The following AMACR variants were observed in gnomAD, a reference collection of about 807,000 sequenced individuals.
AMACR encodes alpha-methylacyl-CoA racemase.
Under a neutral mutation model 22.2 loss-of-function variants are expected in AMACR, and 18 were observed. The ratio of observed to expected loss-of-function variants is 0.81; its 90% CI spans 0.56 to 1.20. AMACR has a LOEUF of 1.20. Among genes scored for constraint, AMACR ranks in the 50% most tolerant of loss-of-function variants. The pLI is 0.00. For missense variants in AMACR, 499 were observed against 490.6 expected (o/e 1.02, Z -0.16); for synonymous variants, 213 against 191.3 (o/e 1.11, Z -0.94).
At chr5:34,005,698 A>C (rs1753950519) in intron 2 of AMACR, 58 bp downstream of exon 2, 1 of 1,583,426 alleles carries the variant, frequency 6.3e-7, no homozygotes, top group Admixed American at 1.7e-5. Context: ...TAATCAACAT[A>C]CCTGTAGATC....
chr5:33,997,973 ATCACT>A (rs1753694670), intron 4 of AMACR, among the ~76,000 whole-genome samples: 1 of 152,258 alleles, frequency 6.6e-6, no homozygotes, highest in Non-Finnish European at 1.5e-5. Flanking sequence ...CAGCTTTCAC[ATCACT>A]TCAGAGTATA....
At chr5:33,999,132 TG>T (rs1200238429) in intron 3 of AMACR, among the ~76,000 whole-genome samples, 2 of 152,232 alleles carry the variant, frequency 1.3e-5, no homozygotes, top group Non-Finnish European at 2.9e-5. Context: ...TGAGGGTACA[TG>T]GAAGGTCACT....
intron 4 of AMACR, chr5:33,994,129 C>T (rs1440050393): frequency 2.2e-6 from 1 of 449,408 alleles, no homozygotes; most frequent in Non-Finnish European, 4.5e-6. Context: ...ATCTAAAACA[C>T]AAAGGGGAGT....
chr5:34,005,880 C>T lies in AMACR; in HGVS notation c.267G>A (p.Gln89=). Residue 89 remains glutamine, a synonymous_variant, in exon 2 of 5, where the codon CAG becomes CAA. Coordinates refer to ENST00000335606, the MANE Select transcript of AMACR (RefSeq NM_014324.6). ...PFRRGVMEKL[Q]LGPEILQREN... ...CCCGCTGCAGAATCTCTGGGCCCAG[C>T]TGGAGTTTCTCCATGACACCTTAAG... 1 of 1,614,132 alleles carries T rather than the reference C, an allele frequency of 6.2e-7. No homozygotes were observed. Among genetic ancestry groups the T allele is most frequent in the Non-Finnish European group, 8.5e-7 (1 of 1,180,030 alleles).
At chr5:34,006,009 T>G in intron 1 of AMACR, 110 bp from the exon 2 acceptor site, 4 of 1,326,438 alleles carry the variant, frequency 3.0e-6, no homozygotes, top group Non-Finnish European at 3.2e-6. Flanking sequence ...ATTAATAACA[T>G]TTGCTGTAGG....
chr5:33,998,567 A>G, intron 4 of AMACR, 74 bp downstream of exon 4: 9 of 1,483,146 alleles, frequency 6.1e-6, no homozygotes, highest in Non-Finnish European at 8.1e-6. Context: ...CTAGATGCCA[A>G]AAGTCTTTAA....
rs1019742271 is a variant in AMACR at position 33,991,927 on chromosome 5, G to A, written c.740-2425C>T. ...AGAGTCTCACACTATTGCCTGGGCT[G>A]GAGTGCAATGGCACGATCTCGGCTC... On this transcript the variant is annotated intron_variant, in intron 4 of 4. Coordinates refer to ENST00000335606, the MANE Select transcript of AMACR (RefSeq NM_014324.6). Among the ~76,000 whole-genome samples the A allele has an allele frequency of 1.1e-4, 16 of 152,088 alleles. No individual in the cohort carries two copies. The East Asian group carries it at 3.1e-3, about 29-fold the overall frequency.
chr5:34,007,757 C>T lies in AMACR; in HGVS notation c.247+16G>A. 2 of 1,539,172 alleles carry T rather than the reference C, an allele frequency of 1.3e-6. No individual in the cohort carries two copies. Among genetic ancestry groups the T allele is most frequent in the Non-Finnish European group, 8.7e-7 (1 of 1,148,608 alleles). On this transcript the variant is annotated intron_variant, in intron 1 of 4. Coordinates refer to ENST00000335606, the MANE Select transcript of AMACR (RefSeq NM_014324.6). ...GCGGGAACTTCCCGAGAGCAGCCCG[C>T]GGGGCCCGGGCTCACCGCGGCGGAA...
intron 4 of AMACR, chr5:33,994,108 T>A: frequency 2.2e-6 from 1 of 455,040 alleles, no homozygotes. Context: ...GATTAAAGTA[T>A]GGTATCAAAG....
chr5:33,991,788 T>C (rs1753483984), intron 4 of AMACR, among the ~76,000 whole-genome samples: 1 of 151,414 alleles, frequency 6.6e-6, no homozygotes, highest in Non-Finnish European at 1.5e-5. Flanking sequence ...TCACCCAGGC[T>C]GGAGTGCGGT....
At chr5:33,997,163 C>A in intron 4 of AMACR, 1 of 746,978 alleles carries the variant, frequency 1.3e-6, no homozygotes, top group Non-Finnish European at 2.5e-6. Context: ...GTTGTCTTAG[C>A]AATTCTGCTG....
At chr5:34,005,198 G>A (rs1267852213) in intron 2 of AMACR, among the ~76,000 whole-genome samples, 1 of 152,176 alleles carries the variant, frequency 6.6e-6, no homozygotes, top group Non-Finnish European at 1.5e-5. Context: ...AATCTGAAAT[G>A]TCCTATAGTC....
intron 2 of AMACR, 131 bp downstream of exon 2, chr5:34,005,625 A>T: frequency 9.0e-7 from 1 of 1,107,352 alleles, no homozygotes; most frequent in Admixed American, 2.3e-5. Flanking sequence ...TCCATTTTGA[A>T]CACCCATGCT....
At chr5:34,001,849 G>A (rs39663) in intron 3 of AMACR, among the ~76,000 whole-genome samples, 17,870 of 152,160 alleles carry the variant, frequency 0.12, 1,117 homozygotes, top group East Asian at 0.17. Flanking sequence ...GTGTCACAAG[G>A]GGTCCTAGTG....
In AMACR at chr5:33,988,200, A is replaced by C; in HGVS notation, c.*893T>G. The stretch of plus-strand genomic sequence containing the variant: ...GAAGCTCCAGGAGCAGGCTGGTTTT[A>C]TGTAAAGACAATCCCGTCTTCTTTG... On this transcript the variant is annotated 3_prime_UTR_variant, in exon 5 of 5. Transcript: ENST00000335606. The C allele has an allele frequency of 9.7e-7, 1 of 1,030,522 alleles. No homozygotes were observed. The highest frequency in any genetic ancestry group is 1.4e-6 in the Non-Finnish European group (1 of 717,162). 63.8% of individuals were successfully genotyped at this position (1,030,522 alleles called of 1,614,324 possible).
chr5:34,001,993 CTTTA>C (rs1264399367), intron 3 of AMACR, among the ~76,000 whole-genome samples: 1 of 152,110 alleles, frequency 6.6e-6, no homozygotes, highest in South Asian at 2.1e-4. Context: ...TTACTATCTT[CTTTA>C]TTTAATTTAT....
chr5:33,989,332 C>T lies in AMACR; in HGVS notation c.910G>A (p.Val304Ile), dbSNP rs762820381. ...CGTTCCTTGTTGTGATCATGATGAA[C>T]AACCTCCTCAAAAGTCAGAACCGGA... Reference protein sequence around the residue: ...VTPVLTFEEVVHHDHNKERGS... With the variant: ...VTPVLTFEEVIHHDHNKERGS... The change falls in exon 5 of 5, where the codon GTT (valine) becomes ATT (isoleucine). Residue 304 changes from valine to isoleucine, a missense_variant. Val to Ile is a conservative substitution (Grantham distance 29, BLOSUM62 3). Coordinates refer to ENST00000335606, the MANE Select transcript of AMACR (RefSeq NM_014324.6). 6.2e-7 allele frequency: 1 copy of T among 1,614,172 alleles called. No individual in the cohort carries two copies. Among genetic ancestry groups the T allele is most frequent in the Non-Finnish European group, 8.5e-7 (1 of 1,180,034 alleles).
rs143542702 is a variant in AMACR at position 33,989,363 on chromosome 5, A to G, written c.879T>C (p.Cys293=). 2.5e-6 allele frequency: 4 copies of G among 1,614,228 alleles called. No homozygotes were observed. The highest frequency in any genetic ancestry group is 3.4e-6 in the Non-Finnish European group (4 of 1,180,040). ...WCQIFDGTDA[C]VTPVLTFEEV... ...CCTCAAAAGTCAGAACCGGAGTCAC[A>G]CAGGCATCTGTGCCGTCAAAGATTT... The change falls in exon 5 of 5, where the codon TGT becomes TGC. Residue 293 remains cysteine (C), a synonymous_variant. Transcript: ENST00000335606.
chr5:33,992,692 AGT>A (rs1431689122), intron 4 of AMACR, among the ~76,000 whole-genome samples: 1 of 152,236 alleles, frequency 6.6e-6, no homozygotes, highest in Non-Finnish European at 1.5e-5. Flanking sequence ...CCTAGGCAAC[AGT>A]GTAAGTCCTT....
Sources: allele counts gnomAD v4.1 joint callset (sites outside exome capture counted in the v4.1 genomes callset), GRCh38; gene constraint gnomAD v4.1.1; transcripts MANE v1.5; gene names NCBI Gene and HGNC (gene_info 2026-07-23, HGNC 2026-07-21).